The following PARD3B variants were observed in gnomAD, a reference collection of about 807,000 sequenced individuals.
PARD3B encodes the protein partitioning defective 3 homolog B.
PARD3B carries 103 observed loss-of-function variants against 130.2 expected under a neutral mutation model. That is an observed-to-expected ratio of 0.79 (90% confidence interval 0.67 to 0.93). The LOEUF (loss-of-function observed/expected upper bound fraction) is 0.93. PARD3B is among the 40% of genes least tolerant of loss of function. PARD3B has a pLI of 0.00. For synonymous variants in PARD3B, 583 were observed against 553.2 expected (o/e 1.05, Z -0.76); for missense variants, 1,609 against 1,499.2 (o/e 1.07, Z -1.21).
rs2055437931 is a variant in PARD3B, at chr2:205,616,369, C to T, written c.*556C>T. 1 of 152,324 alleles carries T rather than the reference C, an allele frequency of 6.6e-6. No homozygotes were observed. The highest frequency in any genetic ancestry group is 2.4e-5 in the African/African-American group (1 of 41,438). 9.4% of individuals were successfully genotyped at this position (152,324 alleles called of 1,614,324 possible). The stretch of plus-strand genomic sequence containing the variant: ...AGAAAAAAAACAACAGCAAACATGA[C>T]TAGTGATCTTGAAATATTTTGTACC... On this transcript the variant is annotated 3_prime_UTR_variant, in exon 23 of 23. Coordinates refer to ENST00000406610, the MANE Select transcript of PARD3B (RefSeq NM_001302769.2).
intron 2 of PARD3B, among the ~76,000 whole-genome samples, chr2:204,955,603 T>TG (rs1690170554): frequency 6.6e-6 from 1 of 152,242 alleles, no homozygotes; most frequent in Non-Finnish European, 1.5e-5. Flanking sequence ...GAAACATACT[T>TG]GCAGCTTGGA....
At chr2:205,047,832 C>A in intron 4 of PARD3B, 142 bp downstream of exon 4, 1 of 562,812 alleles carries the variant, frequency 1.8e-6, no homozygotes, top group Non-Finnish European at 3.1e-6. Flanking sequence ...ATACTAATAG[C>A]TAGTATGGGC....
At chr2:204,774,694 A>G (rs1471236395) in intron 2 of PARD3B, among the ~76,000 whole-genome samples, 1 of 152,174 alleles carries the variant, frequency 6.6e-6, no homozygotes, top group Non-Finnish European at 1.5e-5. Flanking sequence ...ACTTTGATTT[A>G]TAACTCAGAA....
In PARD3B at chr2:205,245,763, A is replaced by G. The variant is rs761836591; in HGVS notation, c.2141-15A>G. 164 of 1,584,618 alleles carry G rather than the reference A, an allele frequency of 1.0e-4. No homozygotes were observed. The highest frequency in any genetic ancestry group is 1.3e-4 in the Non-Finnish European group (155 of 1,156,048). The stretch of plus-strand genomic sequence containing the variant: ...AGCCGGTCTGATCCTTGTCTCTTTT[A>G]TTTCTTCTCCTCAGTGCCAGATGAA... On this transcript the variant is annotated splice_polypyrimidine_tract_variant and intron_variant, in intron 15 of 22. Transcript: ENST00000406610.
intron 20 of PARD3B, among the ~76,000 whole-genome samples, chr2:205,496,479 T>C (rs1036798307): frequency 1.3e-5 from 2 of 152,162 alleles, no homozygotes; most frequent in Non-Finnish European, 2.9e-5. Context: ...TTAAAAAATA[T>C]TCACACAAGG....
intron 1 of PARD3B, among the ~76,000 whole-genome samples, chr2:204,561,798 T>C (rs1031358756): frequency 3.3e-5 from 5 of 151,984 alleles, no homozygotes; most frequent in Admixed American, 2.6e-4. Flanking sequence ...GGTGTTGCCA[T>C]GTTGGGCAGG....
chr2:205,278,145 A>T (rs1236788173), intron 16 of PARD3B, among the ~76,000 whole-genome samples: 2 of 152,290 alleles, frequency 1.3e-5, no homozygotes, highest in East Asian at 3.9e-4. Flanking sequence ...TGGTTCTGGC[A>T]ATTAGGAGGC....
chr2:204,550,009 T>A (rs1482377397), intron 1 of PARD3B, among the ~76,000 whole-genome samples: 1 of 152,176 alleles, frequency 6.6e-6, no homozygotes, highest in Non-Finnish European at 1.5e-5. Flanking sequence ...CTCCTACTCC[T>A]ACCCTTAAAG....
At chr2:204,715,131 T>G (rs924076177) in intron 2 of PARD3B, among the ~76,000 whole-genome samples, 2 of 152,094 alleles carry the variant, frequency 1.3e-5, no homozygotes, top group Non-Finnish European at 2.9e-5. Context: ...GAAAGGGGAG[T>G]GTTCTTTAGA....
intron 2 of PARD3B, among the ~76,000 whole-genome samples, chr2:204,884,039 T>G (rs1364293621): frequency 1.3e-5 from 2 of 152,338 alleles, no homozygotes; most frequent in East Asian, 3.9e-4. Flanking sequence ...ACCTGGCCAC[T>G]CTATTTTCTT....
chr2:204,755,362 C>T (rs1156402379), intron 2 of PARD3B, among the ~76,000 whole-genome samples: 3 of 151,876 alleles, frequency 2.0e-5, no homozygotes, highest in Admixed American at 6.6e-5. Flanking sequence ...TCTTTTTTCC[C>T]GAAAGGCAGA....
At chr2:205,271,105 A>T (rs549962235) in intron 16 of PARD3B, among the ~76,000 whole-genome samples, 5 of 152,174 alleles carry the variant, frequency 3.3e-5, no homozygotes, top group Non-Finnish European at 7.3e-5. Context: ...TGTTACCATG[A>T]GCTTACCTGA....
In PARD3B at chr2:205,550,698, C is replaced by T. The variant is rs185072447; in HGVS notation, c.3181-2626C>T. Among the ~76,000 whole-genome samples, 1 of 151,752 alleles carries T rather than the reference C, an allele frequency of 6.6e-6. No homozygotes were observed. Among genetic ancestry groups the T allele is most frequent in the African/African-American group, 2.4e-5 (1 of 41,322 alleles). ...TCCCTTAAGAATAAGGATCACCTTA[C>T]ATTTCATACAATCTTATATGCTGTT... On this transcript the variant is annotated intron_variant, in intron 21 of 22. Transcript: ENST00000406610. The surrounding 1 kb of genome is among the most constrained non-coding windows in gnomAD (Gnocchi z 4.5).
intron 18 of PARD3B, among the ~76,000 whole-genome samples, chr2:205,391,201 G>T (rs899909679): frequency 3.3e-5 from 5 of 152,362 alleles, no homozygotes; most frequent in East Asian, 3.9e-4. Flanking sequence ...TAGTTTTCGG[G>T]TTTCCGGGGC....
intron 1 of PARD3B, among the ~76,000 whole-genome samples, chr2:204,586,322 G>T (rs1356113016): frequency 1.3e-5 from 2 of 152,172 alleles, no homozygotes; most frequent in African/African-American, 4.8e-5. Flanking sequence ...CCTGACACCA[G>T]TATCAGTGTT....
intron 18 of PARD3B, among the ~76,000 whole-genome samples, chr2:205,354,479 A>AAATT (rs1559694465): frequency 1.1e-4 from 16 of 151,380 alleles, no homozygotes; most frequent in Middle Eastern, 3.5e-3. Context: ...GAAAAAAAGT[A>AAATT]AAAAATTAAA....
chr2:205,007,880 A>G (rs890301989), intron 3 of PARD3B, among the ~76,000 whole-genome samples: 3 of 151,878 alleles, frequency 2.0e-5, no homozygotes, highest in Non-Finnish European at 2.9e-5. Context: ...GAAGTGTTTA[A>G]TTGTTTTCCT....
At chr2:205,057,169 AATT>A (rs1699693327) in intron 4 of PARD3B, among the ~76,000 whole-genome samples, 1 of 151,248 alleles carries the variant, frequency 6.6e-6, no homozygotes, top group Non-Finnish European at 1.5e-5. Context: ...TCATGAATAA[AATT>A]ATGATATACC....
At chr2:204,998,721 G>A (rs745552268) in intron 3 of PARD3B, among the ~76,000 whole-genome samples, 1 of 151,784 alleles carries the variant, frequency 6.6e-6, no homozygotes, top group African/African-American at 2.4e-5. Flanking sequence ...ATGATATATT[G>A]TATTGATTGA....
Sources: allele counts gnomAD v4.1 joint callset (sites outside exome capture counted in the v4.1 genomes callset), GRCh38; gene constraint gnomAD v4.1.1; non-coding constraint Gnocchi (gnomAD v3.1); transcripts MANE v1.5; gene names NCBI Gene and HGNC (gene_info 2026-07-23, HGNC 2026-07-21).